Variants in ST6GALNAC3 observed in about 807,000 individuals in gnomAD.
ST6GALNAC3 encodes the protein alpha-N-acetylgalactosaminide alpha-2,6-sialyltransferase 3.
ST6GALNAC3 carries 25 observed loss-of-function variants against 32.7 expected under a neutral mutation model. The observed-to-expected ratio is 0.76, with a 90% CI of 0.56 to 1.07. The LOEUF (loss-of-function observed/expected upper bound fraction) is 1.07. Among genes scored for constraint, ST6GALNAC3 ranks in the 50% least tolerant of loss-of-function variants. The pLI is 0.00. For missense variants in ST6GALNAC3, 355 were observed against 382.4 expected, an observed-to-expected ratio of 0.93 and a Z score of 0.60; for synonymous variants, 129 against 133.1, an observed-to-expected ratio of 0.97 and a Z score of 0.21.
chr1:76,422,176 T>C (rs1044396698), intron 3 of ST6GALNAC3, among the ~76,000 whole-genome samples: 43 of 152,000 alleles, frequency 2.8e-4, no homozygotes, highest in Non-Finnish European at 5.3e-4. Context: ...ATATGTTGTG[T>C]AGTAGACACT....
intron 3 of ST6GALNAC3, among the ~76,000 whole-genome samples, chr1:76,586,219 T>A (rs970136594): frequency 6.6e-6 from 1 of 152,204 alleles, no homozygotes; most frequent in African/African-American, 2.4e-5. Flanking sequence ...AGTCTGAATG[T>A]TGAGATGTAC....
intron 3 of ST6GALNAC3, among the ~76,000 whole-genome samples, chr1:76,445,168 G>A (rs1243620950): frequency 6.6e-6 from 1 of 152,154 alleles, no homozygotes; most frequent in Non-Finnish European, 1.5e-5. Context: ...ACTTGGGAGT[G>A]TCTCTACTAA....
chr1:76,596,333 G>A lies in ST6GALNAC3; in HGVS notation c.624-31119G>A, dbSNP rs1647136709. ...CTCTCCAGTTAGACAGTTGGTTTCC[G>A]AGGCCGAGATCATGTCTTGTTTATG... On this transcript the variant is annotated intron_variant, in intron 3 of 4. Transcript: ENST00000328299. Among the ~76,000 whole-genome samples, 7 of 152,146 alleles carry A rather than the reference G, an allele frequency of 4.6e-5. No homozygotes were observed. In the South Asian group the frequency reaches 1.0e-3, roughly 23 times the overall value.
chr1:76,309,524 A>G (rs1290403136), intron 1 of ST6GALNAC3, among the ~76,000 whole-genome samples: 1 of 152,114 alleles, frequency 6.6e-6, no homozygotes, highest in African/African-American at 2.4e-5. Context: ...GCTTGAGGTC[A>G]CGATCTGGTG....
chr1:76,342,553 T>C lies in ST6GALNAC3; in HGVS notation c.213+28554T>C, dbSNP rs1446981403. 2.6e-4 allele frequency among the ~76,000 whole-genome samples: 38 copies of C among 148,300 alleles called. 1 individual carries two copies. The highest frequency in any genetic ancestry group is 2.6e-3 in the Admixed American group (38 of 14,884). On this transcript the variant is annotated intron_variant, in intron 2 of 4. Coordinates refer to ENST00000328299, the MANE Select transcript of ST6GALNAC3 (RefSeq NM_152996.4). ...CATATCCTTTGCCCACTTTTTGATG[T>C]TTTTTTTTTCTTGTAAATTTGTTTA...
chr1:76,127,077 G>C lies in ST6GALNAC3; in HGVS notation c.18+52193G>C, dbSNP rs533255440. Among the ~76,000 whole-genome samples, 39 of 152,322 alleles carry C rather than the reference G, an allele frequency of 2.6e-4. 1 individual carries two copies. The highest frequency in any genetic ancestry group is 9.1e-4 in the African/African-American group (38 of 41,564). ...AAAAGGGAAGTTTTGAGGTAGTTTT[G>C]AAGCAGATTTCTGGAATCATCTTCA... is the stretch of plus-strand genomic sequence containing the variant. On this transcript the variant is annotated intron_variant, in intron 1 of 4. Coordinates refer to ENST00000328299, the MANE Select transcript of ST6GALNAC3 (RefSeq NM_152996.4).
rs373295357 is a variant in ST6GALNAC3 at position 76,161,261 on chromosome 1, C to G, written c.18+86377C>G. ...CTATCACTTGAGTGTAAAGTGTAAA[C>G]TAAATTATCACTTAGCAGCCATGTT... On this transcript the variant is annotated intron_variant, in intron 1 of 4. Coordinates refer to ENST00000328299, the MANE Select transcript of ST6GALNAC3 (RefSeq NM_152996.4). Among the ~76,000 whole-genome samples, 9 of 152,322 alleles carry G rather than the reference C, an allele frequency of 5.9e-5. No homozygotes were observed. In the East Asian group the frequency reaches 1.5e-3, roughly 26 times the overall value.
At chr1:76,627,313 C>G (rs1649026563) in intron 3 of ST6GALNAC3, 139 bp from the exon 4 acceptor site, 9 of 612,324 alleles carry the variant, frequency 1.5e-5, no homozygotes, top group Non-Finnish European at 5.8e-6. Flanking sequence ...GACATATTGT[C>G]AAGTTTCTCA....
In ST6GALNAC3 at chr1:76,370,217, G is replaced by C. The variant is rs115775591; in HGVS notation, c.214-41791G>C. ...TATTCCGTGTTGCAAATAAAAATTA[G>C]TAAATTAGTAGTACTAAGTTTAATG... On this transcript the variant is annotated intron_variant, in intron 2 of 4. Coordinates refer to ENST00000328299, the MANE Select transcript of ST6GALNAC3 (RefSeq NM_152996.4). Among the ~76,000 whole-genome samples the C allele has an allele frequency of 3.4e-3, 512 of 152,206 alleles. 5 individuals are homozygous for C. The highest frequency in any genetic ancestry group is 0.011 in the African/African-American group (468 of 41,542).
chr1:76,135,398 A>G (rs922290614), intron 1 of ST6GALNAC3, among the ~76,000 whole-genome samples: 2 of 152,198 alleles, frequency 1.3e-5, no homozygotes, highest in Non-Finnish European at 2.9e-5. Context: ...TTGAACATCT[A>G]CTGATATGAT....
intron 3 of ST6GALNAC3, among the ~76,000 whole-genome samples, chr1:76,517,756 G>A (rs1442001245): frequency 1.5e-5 from 2 of 134,734 alleles, no homozygotes; most frequent in Admixed American, 7.2e-5. Context: ...TATTCACAGC[G>A]ACTCAGTGAT....
intron 3 of ST6GALNAC3, among the ~76,000 whole-genome samples, chr1:76,427,060 G>A (rs1223603248): frequency 1.3e-5 from 2 of 152,058 alleles, no homozygotes; most frequent in African/African-American, 4.8e-5. Context: ...TTCATGCATA[G>A]CTCAAGAATC....
rs1295327125 is a variant in ST6GALNAC3 at position 76,455,953 on chromosome 1, A to G, written c.623+43536A>G. On this transcript the variant is annotated intron_variant, in intron 3 of 4. Coordinates refer to ENST00000328299, the MANE Select transcript of ST6GALNAC3 (RefSeq NM_152996.4). ...ATAATCCAAGCACTTTGGGAGGCTG[A>G]GGCAGGCAGATCACTTGAGGTCAGG... Among the ~76,000 whole-genome samples, 3 of 152,324 alleles carry G rather than the reference A, an allele frequency of 2.0e-5. No individual in the cohort carries two copies. The East Asian group carries it at 5.8e-4, about 29-fold the overall frequency.
At chr1:76,600,735 A>G (rs558466595) in intron 3 of ST6GALNAC3, among the ~76,000 whole-genome samples, 19 of 152,376 alleles carry the variant, frequency 1.2e-4, no homozygotes, top group African/African-American at 4.6e-4. Context: ...TACTTTTGCC[A>G]GCTTTCAACT....
Position 76,401,705 on chromosome 1 carries a change from T to G in ST6GALNAC3, c.214-10303T>G, listed in dbSNP as rs1443437352. Among the ~76,000 whole-genome samples, 3 of 152,190 alleles carry G rather than the reference T, an allele frequency of 2.0e-5. No individual in the cohort carries two copies. The East Asian group carries it at 5.8e-4, about 29-fold the overall frequency. ...GAAGTTCAGGAACACACAATAAAAT[T>G]TTCAAAACTGAGGTTATCAGACACA... On this transcript the variant is annotated intron_variant, in intron 2 of 4. Transcript: ENST00000328299.
rs1211295495 is a variant in ST6GALNAC3, at chr1:76,311,351, T to C, written c.19-2454T>C. On this transcript the variant is annotated intron_variant, in intron 1 of 4. Coordinates refer to ENST00000328299, the MANE Select transcript of ST6GALNAC3 (RefSeq NM_152996.4). ...AATGTACAGGTTTGTTACATAGGTA[T>C]ACATGTGCCATGGTGGTTTGCTACA... is the stretch of plus-strand genomic sequence containing the variant. 1.3e-5 allele frequency among the ~76,000 whole-genome samples: 2 copies of C among 151,762 alleles called. 1 individual carries two copies. Among genetic ancestry groups the C allele is most frequent in the Non-Finnish European group, 2.9e-5 (2 of 67,968 alleles).
chr1:76,113,456 G>T (rs760469128), intron 1 of ST6GALNAC3, among the ~76,000 whole-genome samples: 1 of 151,984 alleles, frequency 6.6e-6, no homozygotes, highest in Non-Finnish European at 1.5e-5. Context: ...TTACAAATTT[G>T]CAAGATTCTA....
At chr1:76,615,668 T>C (rs767000645) in intron 3 of ST6GALNAC3, among the ~76,000 whole-genome samples, 7 of 152,232 alleles carry the variant, frequency 4.6e-5, no homozygotes, top group Non-Finnish European at 1.0e-4. Flanking sequence ...TCTGTGGAGA[T>C]ACAACATTTT....
intron 1 of ST6GALNAC3, among the ~76,000 whole-genome samples, chr1:76,198,623 G>A (rs188164268): frequency 2.6e-5 from 4 of 152,248 alleles, no homozygotes; most frequent in African/African-American, 7.2e-5. Context: ...AGGAGAGAGA[G>A]GAATCAAGTC....
Sources: gnomAD v4.1 joint callset for allele counts (sites outside exome capture counted in the v4.1 genomes callset) on GRCh38, gnomAD v4.1.1 for gene constraint, MANE v1.5 for transcripts, NCBI Gene and HGNC (gene_info 2026-07-23, HGNC 2026-07-21) for gene names.